BAIAP3: variants seen among roughly 807,000 people sequenced by gnomAD.
BAIAP3 encodes the protein BAI1 associated protein 3, also known as BAI1-associated protein 3.
BAIAP3 carries 180 observed loss-of-function variants against 149.7 expected under a neutral mutation model. That is an observed-to-expected ratio of 1.20 (90% CI 1.07 to 1.36). BAIAP3 has a LOEUF of 1.36. BAIAP3 is among the 40% of genes most tolerant of loss of function. The pLI is 0.00. For synonymous variants in BAIAP3, 845 were observed against 670.7 expected (o/e 1.26, Z -4.02); for missense variants, 1,767 against 1,563.4 (o/e 1.13, Z -2.20).
chr16:1,342,642 A>G lies in BAIAP3; in HGVS notation c.1065+8A>G, dbSNP rs766646500. On this transcript the variant is annotated splice_region_variant and intron_variant, in intron 12 of 33. Transcript: ENST00000426824. ...AAGCTGATCACTACGCAGGTGGGGA[A>G]AGTGGGCGTCCCCGTCCTCCACCCC... 2.9e-5 allele frequency: 47 copies of G among 1,595,390 alleles called. 2 individuals carry two copies. In the South Asian group the frequency reaches 5.0e-4, roughly 17 times the overall value.
At chr16:1,341,796 C>T (rs2033942468) in intron 8 of BAIAP3, 26 bp from the exon 9 acceptor site, 1 of 1,609,186 alleles carries the variant, frequency 6.2e-7, no homozygotes, top group Non-Finnish European at 8.5e-7. Context: ...CGGGGACCCT[C>T]ATGGGCATCT....
rs1332082501 is a variant in BAIAP3 at position 1,346,250 on chromosome 16, G to C, written c.2382G>C (p.Gly794=). The C allele has an allele frequency of 6.2e-7, 1 of 1,611,308 alleles. No individual in the cohort carries two copies. The highest frequency in any genetic ancestry group is 1.7e-5 in the Admixed American group (1 of 59,872). Residue 794 remains glycine (G), a synonymous_variant, in exon 25 of 34, where the codon GGG becomes GGC. Coordinates refer to ENST00000426824, the MANE Select transcript of BAIAP3 (RefSeq NM_001199097.2). ...QALKGLAWPE[G]ATGPEGVLPR... is the part of the protein sequence containing the mutation. ...TGAAGGGCCTGGCATGGCCAGAGGG[G>C]GCCACGGGGCCCGAGGGGGTGCTCC...
chr16:1,339,961 G>T (rs2033771408), intron 5 of BAIAP3, among the ~76,000 whole-genome samples: 1 of 126,216 alleles, frequency 7.9e-6, no homozygotes, highest in Non-Finnish European at 1.6e-5. Context: ...GGTGCACACA[G>T]ACGCACGCAC....
At chr16:1,345,611 GCAACCCCAGCCTCCCCCA>G in intron 22 of BAIAP3, 118 bp from the exon 23 acceptor site, 1 of 275,212 alleles carries the variant, frequency 3.6e-6, no homozygotes, top group Non-Finnish European at 5.7e-6. Flanking sequence ...AGCCTCCTCA[GCAACCCCAGCCTCCCCCA>G]CAACCCCAGC....
At chr16:1,344,371 C>T (rs2034164682) in intron 17 of BAIAP3, 54 bp downstream of exon 17, 2 of 1,611,176 alleles carry the variant, frequency 1.2e-6, no homozygotes, top group Admixed American at 1.7e-5. Context: ...TTCCCCTTCC[C>T]TGCCTTCCCG....
chr16:1,344,924 T>C (rs754641380), intron 20 of BAIAP3, 45 bp from the exon 21 acceptor site: 3 of 1,613,540 alleles, frequency 1.9e-6, no homozygotes, highest in Non-Finnish European at 2.5e-6. Flanking sequence ...AGGACGGTCC[T>C]GGGATTCCTT....
chr16:1,343,246 T>A, intron 14 of BAIAP3, 147 bp from the exon 15 acceptor site: 1 of 1,285,190 alleles, frequency 7.8e-7, no homozygotes, highest in African/African-American at 1.5e-5. Context: ...CAGCGCTAAT[T>A]GGAGGGCAGG....
intron 22 of BAIAP3, 143 bp downstream of exon 22, chr16:1,345,515 TCCTCCGCAA>T (rs1204159068): frequency 6.7e-6 from 3 of 449,312 alleles, no homozygotes; most frequent in Non-Finnish European, 8.8e-6. Flanking sequence ...CTCCCCGGCC[TCCTCCGCAA>T]CCCCAGCCTC....
At chr16:1,338,510 T>G (rs2033629381) in intron 1 of BAIAP3, 30 bp from the exon 2 acceptor site, 9 of 1,306,332 alleles carry the variant, frequency 6.9e-6, no homozygotes, top group Non-Finnish European at 8.0e-6. Flanking sequence ...GTGGACGACC[T>G]GAGGCTGCGG....
In BAIAP3 at chr16:1,342,281, C is replaced by T. The variant is rs534500634; in HGVS notation, c.955C>T (p.Arg319Trp). Residue 319 changes from arginine (R) to tryptophan (W), a missense_variant and splice_region_variant, in exon 11 of 34, where the codon CGG becomes TGG. By Grantham distance (101) the Arg-to-Trp change is moderately radical (BLOSUM62 -3). Transcript: ENST00000426824. ...CCTGGGGTGCCTCAACATACCTGTC[C>T]GGGTGAGTGGGTGTGGGGTGGGGCT... ...DFLGCLNIPV[R>W]EVPVAGVDRW... 31 of 1,612,018 alleles carry T rather than the reference C, an allele frequency of 1.9e-5. No homozygotes were observed. The highest frequency in any genetic ancestry group is 2.2e-5 in the East Asian group (1 of 44,858).
At position 1,348,614 on chromosome 16, in the gene BAIAP3, C is replaced by G; in HGVS notation, c.*132C>G. 2 of 912,574 alleles carry G rather than the reference C, an allele frequency of 2.2e-6. No homozygotes were observed. Among genetic ancestry groups the G allele is most frequent in the Admixed American group, 4.5e-5 (2 of 44,210 alleles). 56.5% of individuals were successfully genotyped at this position (912,574 alleles called of 1,614,324 possible). On this transcript the variant is annotated 3_prime_UTR_variant, in exon 34 of 34. Coordinates refer to ENST00000426824, the MANE Select transcript of BAIAP3 (RefSeq NM_001199097.2). ...CTGTGCTGTGACGTGTGTGTCGTGG[C>G]TGGCCCCGCGGCGCCTACCGCCCTG...
Position 1,341,821 on chromosome 16 carries a change from G to T in BAIAP3, c.732-1G>T. 1.2e-6 allele frequency: 2 copies of T among 1,612,414 alleles called. No homozygotes were observed. The highest frequency in any genetic ancestry group is 2.7e-5 in the African/African-American group (2 of 75,042). Reference sequence around the variant, plus strand: ...CATGGGCATCTCTGTTCTCCTTGTAGCGAGATTGAGGATGTGAGCACGGAC... The same window carrying T: ...CATGGGCATCTCTGTTCTCCTTGTATCGAGATTGAGGATGTGAGCACGGAC... On this transcript the variant is annotated splice_acceptor_variant, in intron 8 of 33. Transcript: ENST00000426824. LOFTEE classifies it high-confidence loss of function.
In BAIAP3 at chr16:1,344,095, ACTT is replaced by A. The variant is rs1360261717; in HGVS notation, c.1462_1464del (p.Phe488del). 3.7e-6 allele frequency: 6 copies of A among 1,612,094 alleles called. No homozygotes were observed. The highest frequency in any genetic ancestry group is 1.1e-5 in the South Asian group (1 of 91,084). ...CAGCTGCTGCGCCAGCTCCGAGACT[ACTT>A]CCCTGCCACCAACAGCACCGCTGTC... On this transcript the variant is annotated inframe_deletion, in exon 16 of 34. Coordinates refer to ENST00000426824, the MANE Select transcript of BAIAP3 (RefSeq NM_001199097.2).
chr16:1,338,164 GCGC>G, intron 1 of BAIAP3, among the ~76,000 whole-genome samples: 1 of 152,278 alleles, frequency 6.6e-6, no homozygotes. Context: ...CAGGAAACAG[GCGC>G]CTCCTGCTGT....
chr16:1,344,225 A>G lies in BAIAP3; in HGVS notation c.1512-2A>G, dbSNP rs747768504. On this transcript the variant is annotated splice_acceptor_variant, in intron 16 of 33. Coordinates refer to ENST00000426824, the MANE Select transcript of BAIAP3 (RefSeq NM_001199097.2). LOFTEE classifies it high-confidence loss of function. ...CCACGTCAGCGTGCTGCCCCCACCC[A>G]GGTGTCTGGGCAAGCTGCAGCTCTT... The G allele has an allele frequency of 6.2e-7, 1 of 1,613,328 alleles. No homozygotes were observed. Among genetic ancestry groups the G allele is most frequent in the South Asian group, 1.1e-5 (1 of 91,088 alleles).
intron 29 of BAIAP3, 49 bp from the exon 30 acceptor site, chr16:1,347,496 G>A (rs200460898): frequency 7.5e-5 from 116 of 1,549,392 alleles, no homozygotes; most frequent in Non-Finnish European, 9.2e-5. Context: ...AAGTGCCAGC[G>A]CTGACCACCA....
At chr16:1,347,228 C>A in intron 28 of BAIAP3, 70 bp from the exon 29 acceptor site, 1 of 1,484,416 alleles carries the variant, frequency 6.7e-7, no homozygotes, top group Non-Finnish European at 9.2e-7. Flanking sequence ...CCCCTTTGTG[C>A]TGGGGGTCTC....
chr16:1,345,617 CCA>C, intron 22 of BAIAP3, 128 bp from the exon 23 acceptor site: 3 of 554,638 alleles, frequency 5.4e-6, no homozygotes, highest in South Asian at 2.3e-5. Flanking sequence ...CTCAGCAACC[CCA>C]GCCTCCCCCA....
rs537419858 is a variant in BAIAP3, at chr16:1,341,336, C to T, written c.578C>T (p.Ser193Leu). 6.8e-6 allele frequency: 11 copies of T among 1,611,662 alleles called. No homozygotes were observed. The highest frequency in any genetic ancestry group is 1.7e-5 in the Admixed American group (1 of 59,976). ...TGCATGCTGGGCATCCTGCCTGCCTCGGACGCCACGCGGGAGCCCCGTGCA... is the reference window on the plus strand; with the variant it reads ...TGCATGCTGGGCATCCTGCCTGCCTTGGACGCCACGCGGGAGCCCCGTGCA... ...PYCMLGILPASDATREPRAQK... is the reference protein window; with the variant it reads ...PYCMLGILPALDATREPRAQK... The change falls in exon 8 of 34, where the codon TCG becomes TTG. Residue 193 changes from serine to leucine, a missense_variant. Ser to Leu is a moderately radical substitution (Grantham distance 145). Transcript: ENST00000426824.
Sources: gnomAD v4.1 joint callset for allele counts (sites outside exome capture counted in the v4.1 genomes callset) on GRCh38, gnomAD v4.1.1 for gene constraint, MANE v1.5 for transcripts, NCBI Gene and HGNC (gene_info 2026-07-23, HGNC 2026-07-21) for gene names.